Variants in RMST observed in about 807,000 individuals in gnomAD.
RMST encodes the protein long intergenic non-protein coding RNA 54.
chr12:97,510,675 T>C (rs957171077), intron 10 of RMST, among the ~76,000 whole-genome samples: 3 of 152,326 alleles, frequency 2.0e-5, no homozygotes, highest in Admixed American at 6.5e-5. Flanking sequence ...TTTGATCACA[T>C]AGGGAGTTAC....
chr12:97,498,129 T>C (rs1249473281), intron 10 of RMST, among the ~76,000 whole-genome samples: 1 of 152,220 alleles, frequency 6.6e-6, no homozygotes, highest in Non-Finnish European at 1.5e-5. Flanking sequence ...CAAAACCATT[T>C]TTAATTGGAA....
chr12:97,499,951 G>A (rs7305964), intron 10 of RMST, among the ~76,000 whole-genome samples: 85,642 of 151,908 alleles, frequency 0.56, 25,536 homozygotes, highest in Middle Eastern at 0.68. Flanking sequence ...GAGTCATCAT[G>A]CCCGGCCTAT....
chr12:97,554,590 G>GTTA (rs1883561330), intron 11 of RMST, among the ~76,000 whole-genome samples: 1 of 152,014 alleles, frequency 6.6e-6, no homozygotes, highest in South Asian at 2.1e-4. Context: ...TTCACAAAAT[G>GTTA]TTATTACTCA....
chr12:97,490,972 G>A (rs1314125881), intron 5 of RMST, among the ~76,000 whole-genome samples: 2 of 152,198 alleles, frequency 1.3e-5, no homozygotes, highest in African/African-American at 4.8e-5. Context: ...CATTTGCAAA[G>A]TCCAAGTGAT....
rs568069006 is a variant in RMST at position 97,497,809 on chromosome 12, T to C, written n.1340+1753T>C. The stretch of plus-strand genomic sequence containing the variant: ...GAGCATAATTGTCATGGTGAGGAGA[T>C]GGGGAAGGAGGCAGTCACCCTTCCG... On this transcript the variant is annotated intron_variant and non_coding_transcript_variant, in intron 10 of 13. Transcript: ENST00000640149. 6.6e-5 allele frequency among the ~76,000 whole-genome samples: 10 copies of C among 152,206 alleles called. No individual in the cohort carries two copies. The South Asian group carries it at 2.1e-3, about 32-fold the overall frequency.
At chr12:97,465,233 C>T (rs888278308) in intron 4 of RMST, among the ~76,000 whole-genome samples, 9 of 152,176 alleles carry the variant, frequency 5.9e-5, no homozygotes, top group African/African-American at 2.2e-4. Flanking sequence ...AAGGCACAAG[C>T]TGGCAGATGT....
At chr12:97,484,899 C>T (rs1875896670) in intron 5 of RMST, among the ~76,000 whole-genome samples, 1 of 152,186 alleles carries the variant, frequency 6.6e-6, no homozygotes, top group Non-Finnish European at 1.5e-5. Flanking sequence ...TCTACTTCCC[C>T]TTTCTGCAGT....
rs904837079 is a variant in RMST at position 97,540,959 on chromosome 12, T to TATAGAA, written n.1545+10105_1545+10106insAATAGA. Among the ~76,000 whole-genome samples the TATAGAA allele has an allele frequency of 4.6e-5, 7 of 150,878 alleles. 1 individual carries two copies. In the Middle Eastern group the frequency reaches 0.017, roughly 369 times the overall value. On this transcript the variant is annotated intron_variant and non_coding_transcript_variant, in intron 11 of 13. Transcript: ENST00000640149. ...AGAGATAGATAGATATAGATATAGA[T>TATAGAA]ATAGATATAGATATAGATATAGATA...
intron 9 of RMST, among the ~76,000 whole-genome samples, chr12:97,495,580 A>C (rs1599851): frequency 0.75 from 113,747 of 151,804 alleles, 43,470 homozygotes; most frequent in African/African-American, 0.88. Flanking sequence ...CCTGTATACT[A>C]TACTAAAATC....
In RMST at chr12:97,526,930, ATGT is replaced by A. The variant is rs751378451; in HGVS notation, n.1341-3707_1341-3705del. Among the ~76,000 whole-genome samples the A allele has an allele frequency of 9.2e-5, 14 of 152,020 alleles. No homozygotes were observed. The East Asian group carries it at 9.7e-4, about 11-fold the overall frequency. ...ACAGTCTTCATAATAGCACCATGAG[ATGT>A]TGTTGTTGTTGTTGTTGAACAGATT... On this transcript the variant is annotated intron_variant and non_coding_transcript_variant, in intron 10 of 13. Coordinates refer to ENST00000640149, the Ensembl canonical transcript of RMST.
chr12:97,560,684 C>T (rs986345395), exon 12 of RMST: 4 of 152,132 alleles, frequency 2.6e-5, no homozygotes, highest in Non-Finnish European at 5.9e-5. Flanking sequence ...GAAAAGCCTA[C>T]CTATTCTTTC....
chr12:97,502,907 T>A (rs1221288625), intron 10 of RMST, among the ~76,000 whole-genome samples: 1 of 152,226 alleles, frequency 6.6e-6, no homozygotes, highest in Non-Finnish European at 1.5e-5. Context: ...TCTTGTACAA[T>A]GTGACTTCCT....
At chr12:97,492,920 G>A (rs1421246731) in intron 6 of RMST, 1 of 152,124 alleles carries the variant, frequency 6.6e-6, no homozygotes, top group Admixed American at 6.5e-5. Flanking sequence ...CCATTTGTCT[G>A]TTTTCTTAGA....
chr12:97,552,219 A>G (rs550138000), intron 11 of RMST: 2 of 152,338 alleles, frequency 1.3e-5, no homozygotes, highest in Admixed American at 1.3e-4. Context: ...AGAATCAGAT[A>G]AAATAGAAAT....
chr12:97,519,690 A>G (rs575817160), intron 10 of RMST, among the ~76,000 whole-genome samples: 2 of 152,324 alleles, frequency 1.3e-5, no homozygotes, highest in South Asian at 2.1e-4. Flanking sequence ...TAGCTACAAC[A>G]TAACTTTTTT....
intron 10 of RMST, among the ~76,000 whole-genome samples, chr12:97,526,273 A>G (rs1444098818): frequency 6.6e-6 from 1 of 152,092 alleles, no homozygotes; most frequent in Non-Finnish European, 1.5e-5. Context: ...ATAATATACA[A>G]TACCCATTGT....
chr12:97,559,352 T>C (rs563623422), intron 11 of RMST, among the ~76,000 whole-genome samples: 42 of 152,316 alleles, frequency 2.8e-4, no homozygotes, highest in Non-Finnish European at 5.7e-4. Context: ...AATGACAGCA[T>C]TGGCTTTAAA....
intron 10 of RMST, chr12:97,530,335 T>C (rs1881513165): frequency 6.6e-6 from 1 of 152,154 alleles, no homozygotes; most frequent in Admixed American, 6.6e-5. Flanking sequence ...TAGGAACTAC[T>C]GTCTGAGATC....
rs552083021 is a variant in RMST, at chr12:97,473,988, A to G, written n.644+8261A>G. Among the ~76,000 whole-genome samples, 34 of 152,200 alleles carry G rather than the reference A, an allele frequency of 2.2e-4. No individual in the cohort carries two copies. The South Asian group carries it at 6.4e-3, about 29-fold the overall frequency. On this transcript the variant is annotated intron_variant and non_coding_transcript_variant, in intron 5 of 13. Coordinates refer to ENST00000640149, the Ensembl canonical transcript of RMST. ...AGATGTAGAAAAAAGAGCCTTGACT[A>G]TTTCTGGCTTCTCTGCCCAGGGAAG...
Sources: allele counts gnomAD v4.1 joint callset (sites outside exome capture counted in the v4.1 genomes callset), GRCh38; gene constraint gnomAD v4.1.1; transcripts MANE v1.5; gene names NCBI Gene and HGNC (gene_info 2026-07-23, HGNC 2026-07-21).